Variants in FAM47E observed in about 807,000 individuals in gnomAD.
The protein encoded by FAM47E is protein FAM47E.
Under a neutral mutation model 41.6 loss-of-function variants are expected in FAM47E, and 32 were observed. The ratio of observed to expected loss-of-function variants is 0.77; its 90% CI spans 0.58 to 1.03. The LOEUF (loss-of-function observed/expected upper bound fraction) is 1.03, where lower values mean the gene tolerates loss of function less well. FAM47E is among the 50% of genes least tolerant of loss of function. FAM47E has a pLI of 0.00. For missense variants in FAM47E, 424 were observed against 485.4 expected (o/e 0.87, Z 1.19); for synonymous variants, 184 against 188.7 (o/e 0.98, Z 0.20).
At chr4:76,266,763 C>T (rs7664593) in intron 3 of FAM47E, among the ~76,000 whole-genome samples, 36,387 of 152,076 alleles carry the variant, frequency 0.24, 4,787 homozygotes, top group African/African-American at 0.34. Context: ...ATGATTAGGT[C>T]CCTGTCACCT....
intron 5 of FAM47E, among the ~76,000 whole-genome samples, chr4:76,274,360 C>A (rs1735011904): frequency 6.6e-6 from 1 of 152,074 alleles, no homozygotes; most frequent in African/African-American, 2.4e-5. Context: ...TCACTTGAAG[C>A]CAGAAGTTCA....
At chr4:76,257,833 A>T (rs537581931) in intron 2 of FAM47E, among the ~76,000 whole-genome samples, 1 of 152,178 alleles carries the variant, frequency 6.6e-6, no homozygotes, top group South Asian at 2.1e-4. Flanking sequence ...AGCTCCTCCC[A>T]CAATGAAAGC....
chr4:76,214,175 C>T, exon 1 of FAM47E: 2 of 452,736 alleles, frequency 4.4e-6, no homozygotes, highest in South Asian at 3.1e-5. Flanking sequence ...GTGGCTGGGA[C>T]ATTCCCCTGC....
chr4:76,257,642 C>T (rs192160133), intron 2 of FAM47E, among the ~76,000 whole-genome samples: 6 of 152,294 alleles, frequency 3.9e-5, no homozygotes, highest in African/African-American at 1.2e-4. Flanking sequence ...CAATTCAGCT[C>T]TCTGTTCTGG....
intron 7 of FAM47E, chr4:76,282,384 T>G (rs1735392056): frequency 6.6e-6 from 1 of 152,106 alleles, no homozygotes; most frequent in Admixed American, 6.6e-5. Flanking sequence ...CCCCCATGTG[T>G]CCGTTTATAG....
At chr4:76,221,108 T>C (rs903307291) in intron 2 of FAM47E, among the ~76,000 whole-genome samples, 1 of 152,192 alleles carries the variant, frequency 6.6e-6, no homozygotes, top group African/African-American at 2.4e-5. Flanking sequence ...TATTCCCTTA[T>C]GAACAAGGCC....
chr4:76,249,707 C>A (rs546606881), upstream of FAM47E, among the ~76,000 whole-genome samples: 1 of 152,008 alleles, frequency 6.6e-6, no homozygotes, highest in African/African-American at 2.4e-5. Context: ...ATCCTTCCCC[C>A]CAAGTTCCCA....
chr4:76,240,648 G>A (rs1021779826), intron 2 of FAM47E, among the ~76,000 whole-genome samples: 1 of 151,954 alleles, frequency 6.6e-6, no homozygotes, highest in Non-Finnish European at 1.5e-5. Context: ...TGATTCTTGT[G>A]CTTGCTCAAA....
chr4:76,271,151 G>T (rs1448203031), intron 4 of FAM47E, among the ~76,000 whole-genome samples: 1 of 152,224 alleles, frequency 6.6e-6, no homozygotes, highest in Non-Finnish European at 1.5e-5. Flanking sequence ...GGTGAAGGTT[G>T]TTCTGTGTAC....
chr4:76,244,067 T>G (rs182874574), intron 2 of FAM47E, among the ~76,000 whole-genome samples: 5 of 152,376 alleles, frequency 3.3e-5, no homozygotes, highest in Admixed American at 3.3e-4. Context: ...GCAAATGACA[T>G]GAATTCATCC....
intron 2 of FAM47E, among the ~76,000 whole-genome samples, chr4:76,226,509 G>A (rs1474730739): frequency 1.3e-5 from 2 of 152,214 alleles, no homozygotes; most frequent in Non-Finnish European, 2.9e-5. Flanking sequence ...CAAGCCACAA[G>A]GGGTTTTATG....
At chr4:76,231,539 C>G (rs1433894101) in intron 2 of FAM47E, among the ~76,000 whole-genome samples, 1 of 152,176 alleles carries the variant, frequency 6.6e-6, no homozygotes, top group East Asian at 1.9e-4. Context: ...AACAAACAAA[C>G]AAACAAATCA....
At chr4:76,222,242 T>C (rs1031454214) in intron 2 of FAM47E, among the ~76,000 whole-genome samples, 3 of 151,770 alleles carry the variant, frequency 2.0e-5, no homozygotes, top group African/African-American at 7.3e-5. Flanking sequence ...TTTTTTTTTT[T>C]CTGAGACCGA....
intron 1 of FAM47E, 38 bp from the exon 2 acceptor site, chr4:76,256,140 G>A (rs1734181163): frequency 1.3e-6 from 2 of 1,530,670 alleles, no homozygotes; most frequent in Admixed American, 2.0e-5. Context: ...ACAGGCATGT[G>A]GTATTCTAGG....
chr4:76,225,630 A>T (rs1347040794), intron 2 of FAM47E, among the ~76,000 whole-genome samples: 2 of 152,228 alleles, frequency 1.3e-5, no homozygotes, highest in Non-Finnish European at 2.9e-5. Flanking sequence ...CTTTTTCTGC[A>T]TCTATTGAGA....
intron 2 of FAM47E, among the ~76,000 whole-genome samples, chr4:76,228,856 C>G (rs2109984439): frequency 6.6e-6 from 1 of 152,180 alleles, no homozygotes; most frequent in South Asian, 2.1e-4. Context: ...GATGAATTTC[C>G]TGGGTGTTCT....
intron 7 of FAM47E, chr4:76,280,842 G>T (rs1432361415): frequency 1.3e-5 from 2 of 152,400 alleles, no homozygotes; most frequent in Admixed American, 6.5e-5. Flanking sequence ...TTCCTGGGGG[G>T]CCTGGCCAGT....
chr4:76,224,615 T>C (rs540740223), intron 2 of FAM47E, among the ~76,000 whole-genome samples: 76 of 152,264 alleles, frequency 5.0e-4, no homozygotes, highest in Non-Finnish European at 9.4e-4. Flanking sequence ...TCAGGCAGAG[T>C]GCAGTGGCAT....
At chr4:76,220,036 G>A (rs959951610) in intron 2 of FAM47E, among the ~76,000 whole-genome samples, 5 of 152,184 alleles carry the variant, frequency 3.3e-5, no homozygotes, top group Admixed American at 6.5e-5. Flanking sequence ...TGCACTGCAA[G>A]CTATCTTAAG....
Sources: gnomAD v4.1 joint callset for allele counts (sites outside exome capture counted in the v4.1 genomes callset) on GRCh38, gnomAD v4.1.1 for gene constraint, MANE v1.5 for transcripts, NCBI Gene and HGNC (gene_info 2026-07-23, HGNC 2026-07-21) for gene names.